CEP112: variants seen among roughly 807,000 people sequenced by gnomAD.
The protein encoded by CEP112 is centrosomal protein of 112 kDa.
CEP112 carries 127 observed loss-of-function variants against 153.0 expected under a neutral mutation model. The ratio of observed to expected loss-of-function variants is 0.83; its 90% CI spans 0.72 to 0.96. CEP112 has a LOEUF of 0.96. Ranked by LOEUF, CEP112 falls within the 40% of genes least tolerant of loss-of-function variation. The pLI, the probability that CEP112 is intolerant of heterozygous loss-of-function variation, is 0.00. For synonymous variants in CEP112, 358 were observed against 374.4 expected (o/e 0.96, Z 0.51); for missense variants, 1,089 against 1,101.2 (o/e 0.99, Z 0.16).
At chr17:66,134,438 C>T (rs2070345494) in intron 4 of CEP112, among the ~76,000 whole-genome samples, 1 of 152,184 alleles carries the variant, frequency 6.6e-6, no homozygotes, top group South Asian at 2.1e-4. Context: ...CATCAACAGT[C>T]TCCTAGACAC....
chr17:66,108,939 AAG>A (rs1420456830), intron 6 of CEP112, among the ~76,000 whole-genome samples: 1 of 152,244 alleles, frequency 6.6e-6, no homozygotes, highest in Non-Finnish European at 1.5e-5. Flanking sequence ...AGCCATAAAA[AAG>A]AATGAGATCC....
At chr17:65,803,136 C>G (rs1568036485) in intron 21 of CEP112, among the ~76,000 whole-genome samples, 1 of 152,234 alleles carries the variant, frequency 6.6e-6, no homozygotes, top group Admixed American at 6.5e-5. Flanking sequence ...GCCAGAGGAG[C>G]TCCAGCTATA....
At chr17:65,968,844 AC>A (rs2062512731) in intron 17 of CEP112, among the ~76,000 whole-genome samples, 1 of 137,830 alleles carries the variant, frequency 7.3e-6, no homozygotes. Flanking sequence ...TTAAATCTGT[AC>A]ATACATTTTT....
intron 4 of CEP112, among the ~76,000 whole-genome samples, chr17:66,151,615 T>C (rs2071213570): frequency 6.6e-6 from 1 of 152,234 alleles, no homozygotes; most frequent in South Asian, 2.1e-4. Flanking sequence ...ACTTGTCCAC[T>C]TTGATGGAAG....
intron 12 of CEP112, among the ~76,000 whole-genome samples, chr17:66,037,181 C>T (rs1017863995): frequency 6.6e-6 from 1 of 152,184 alleles, no homozygotes; most frequent in African/African-American, 2.4e-5. Flanking sequence ...ATAAAAGTGG[C>T]TCATTATCCA....
chr17:66,095,074 A>G (rs1254043336), intron 8 of CEP112, among the ~76,000 whole-genome samples: 1 of 152,222 alleles, frequency 6.6e-6, no homozygotes, highest in Non-Finnish European at 1.5e-5. Flanking sequence ...CAGCCATTAT[A>G]GAAAAACAGT....
chr17:66,123,143 G>C (rs1036672238), intron 6 of CEP112, among the ~76,000 whole-genome samples: 1 of 152,168 alleles, frequency 6.6e-6, no homozygotes, highest in Non-Finnish European at 1.5e-5. Context: ...ACAAGTCGAG[G>C]TAAGGACAAT....
chr17:66,055,195 T>C (rs1299556000), intron 11 of CEP112, among the ~76,000 whole-genome samples: 8 of 152,174 alleles, frequency 5.3e-5, no homozygotes, highest in African/African-American at 1.9e-4. Context: ...TAGGGCAGAA[T>C]GCAGGCAATA....
At position 65,689,161 on chromosome 17, in the gene CEP112, A is replaced by C; in HGVS notation, c.2665T>G (p.Leu889Val). ...SNQVRCAEKK[L>V]QHKELESQEQ... ...TGTGACTCCAATTCTTTGTGTTGTA[A>C]TTTTTTCTCTGCACATCGCACCTGA... Residue 889 changes from leucine to valine, a missense_variant, in exon 24 of 27, where the codon TTA (leucine) becomes GTA (valine). By Grantham distance (32) the Leu-to-Val change is conservative. Transcript: ENST00000535342. The C allele has an allele frequency of 6.2e-7, 1 of 1,613,472 alleles. No homozygotes were observed. Among genetic ancestry groups the C allele is most frequent in the Non-Finnish European group, 8.5e-7 (1 of 1,179,470 alleles).
At position 65,821,515 on chromosome 17, in the gene CEP112, TATATATATATATATATATATATATA is replaced by T. The variant is rs1568067071; in HGVS notation, c.2394+30264_2394+30288del. 1.6e-3 allele frequency among the ~76,000 whole-genome samples: 45 copies of T among 28,862 alleles called. No individual in the cohort carries two copies. In the East Asian group the frequency reaches 0.025, roughly 16 times the overall value. The allele number at this position is 28,862 out of a possible 152,430, so 18.9% of individuals were successfully genotyped here. A position where few individuals can be genotyped will look rare whatever the true frequency, so the allele number is the denominator to read the frequency against. The stretch of plus-strand genomic sequence containing the variant: ...ATATAATTATATATATATATATAAT[TATATATATATATATATATATATATA>T]TTTTTTTTTTTTTTTTTTTTTTTTT... On this transcript the variant is annotated intron_variant, in intron 21 of 26. Coordinates refer to ENST00000535342, the MANE Select transcript of CEP112 (RefSeq NM_001199165.4).
intron 21 of CEP112, among the ~76,000 whole-genome samples, chr17:65,791,446 C>T (rs898493331): frequency 2.0e-5 from 3 of 152,112 alleles, no homozygotes; most frequent in African/African-American, 7.2e-5. Context: ...AACCACTGTT[C>T]TAGCTAATGA....
At chr17:66,165,884 A>C (rs142442921) in intron 4 of CEP112, among the ~76,000 whole-genome samples, 5,189 of 152,310 alleles carry the variant, frequency 0.034, 132 homozygotes, top group Middle Eastern at 0.061. Flanking sequence ...ATTTTCCATA[A>C]GGGCAGGACC....
chr17:65,749,760 A>ACATTAGATATTATCTTTTTGTTGTT (rs1567958343), intron 22 of CEP112, among the ~76,000 whole-genome samples: 2 of 150,222 alleles, frequency 1.3e-5, no homozygotes, highest in African/African-American at 4.9e-5. Context: ...TGCCCCATGA[A>ACATTAGATATTATCTTTTTGTTGTT]CATTAGATAT....
At chr17:65,987,496 C>T (rs1338072178) in intron 17 of CEP112, among the ~76,000 whole-genome samples, 1 of 152,122 alleles carries the variant, frequency 6.6e-6, no homozygotes, top group Non-Finnish European at 1.5e-5. Flanking sequence ...TAAGCTTAAA[C>T]TTTTTAAGGG....
chr17:65,653,939 G>A (rs926004125), intron 24 of CEP112, among the ~76,000 whole-genome samples: 7 of 151,342 alleles, frequency 4.6e-5, no homozygotes, highest in East Asian at 2.0e-4. Context: ...CGCACCTGTA[G>A]TCCCAGCTGC....
intron 8 of CEP112, among the ~76,000 whole-genome samples, chr17:66,082,370 A>C (rs983683813): frequency 1.3e-5 from 2 of 152,262 alleles, no homozygotes; most frequent in Non-Finnish European, 2.9e-5. Context: ...ATGATAGGCT[A>C]AAGTTAAAAT....
chr17:65,924,158 A>T (rs1019990525), intron 19 of CEP112, among the ~76,000 whole-genome samples: 1 of 151,974 alleles, frequency 6.6e-6, no homozygotes, highest in African/African-American at 2.4e-5. Flanking sequence ...TTGCATTTTT[A>T]GTAGAGACGG....
At chr17:65,999,377 ATT>A (rs2063924187) in intron 17 of CEP112, among the ~76,000 whole-genome samples, 1 of 151,756 alleles carries the variant, frequency 6.6e-6, no homozygotes, top group Admixed American at 6.6e-5. Context: ...AATTTTTTGT[ATT>A]TTTAGTGGAT....
At chr17:65,749,324 T>C (rs2051669021) in intron 22 of CEP112, among the ~76,000 whole-genome samples, 2 of 151,942 alleles carry the variant, frequency 1.3e-5, no homozygotes, top group African/African-American at 2.4e-5. Context: ...CTGACCAATA[T>C]GGTGAAACCC....
Sources: gnomAD v4.1 joint callset for allele counts (sites outside exome capture counted in the v4.1 genomes callset) on GRCh38, gnomAD v4.1.1 for gene constraint, MANE v1.5 for transcripts, NCBI Gene and HGNC (gene_info 2026-07-23, HGNC 2026-07-21) for gene names.